Variants in SRFBP1 observed in about 807,000 individuals in gnomAD.
The protein encoded by SRFBP1 is serum response factor-binding protein 1.
Under a neutral mutation model 45.5 loss-of-function variants are expected in SRFBP1, and 47 were observed. The observed-to-expected ratio is 1.03, with a 90% confidence interval of 0.82 to 1.32. The LOEUF is 1.32. SRFBP1 is among the 40% of genes most tolerant of loss of function. SRFBP1 has a pLI of 0.00. For missense variants in SRFBP1, 621 were observed against 484.6 expected (o/e 1.28, Z -2.64); for synonymous variants, 203 against 166.3 (o/e 1.22, Z -1.70).
chr5:122,050,285 T>C (rs1443114481), intron 2 of SRFBP1, among the ~76,000 whole-genome samples: 1 of 152,200 alleles, frequency 6.6e-6, no homozygotes, highest in Non-Finnish European at 1.5e-5. Context: ...GAGTTCCTCA[T>C]GCTCAGTTTT....
At chr5:122,056,501 C>G (rs1394772957) in intron 2 of SRFBP1, among the ~76,000 whole-genome samples, 1 of 152,154 alleles carries the variant, frequency 6.6e-6, no homozygotes, top group Non-Finnish European at 1.5e-5. Flanking sequence ...CATTATCAAT[C>G]TTTTAGTCAC....
intron 1 of SRFBP1, among the ~76,000 whole-genome samples, chr5:121,968,156 C>T (rs1752113021): frequency 6.6e-6 from 1 of 151,630 alleles, no homozygotes; most frequent in Non-Finnish European, 1.5e-5. Context: ...CTCCCTTTAT[C>T]CATGGGGGTT....
At chr5:122,014,910 G>T (rs982986512) in intron 4 of SRFBP1, among the ~76,000 whole-genome samples, 4 of 152,186 alleles carry the variant, frequency 2.6e-5, no homozygotes, top group African/African-American at 9.6e-5. Context: ...CAGGGATTTG[G>T]AAACAGCAGT....
downstream of SRFBP1, among the ~76,000 whole-genome samples, chr5:122,031,869 CAAAG>C (rs768229146): frequency 7.9e-5 from 12 of 152,078 alleles, no homozygotes; most frequent in Non-Finnish European, 1.8e-4. Flanking sequence ...ATCATGCTAA[CAAAG>C]AAGCTAAACA....
At chr5:121,965,781 A>G (rs2112809804) in intron 1 of SRFBP1, among the ~76,000 whole-genome samples, 1 of 152,362 alleles carries the variant, frequency 6.6e-6, no homozygotes, top group African/African-American at 2.4e-5. Context: ...TACTTTGGGC[A>G]GTATGGCTGT....
At chr5:122,037,392 C>A (rs1179991623) in intron 2 of SRFBP1, among the ~76,000 whole-genome samples, 1 of 152,254 alleles carries the variant, frequency 6.6e-6, no homozygotes, top group African/African-American at 2.4e-5. Flanking sequence ...AACTTTGTAG[C>A]TTGCAGGTAG....
chr5:121,981,111 G>A (rs1752398868), intron 3 of SRFBP1, among the ~76,000 whole-genome samples: 1 of 151,974 alleles, frequency 6.6e-6, no homozygotes, highest in East Asian at 1.9e-4. Flanking sequence ...AGGGCTTTTT[G>A]GTAGTATGTC....
intron 2 of SRFBP1, among the ~76,000 whole-genome samples, chr5:122,048,946 A>T (rs967958959): frequency 2.0e-5 from 3 of 151,606 alleles, no homozygotes; most frequent in African/African-American, 7.3e-5. Context: ...TTTCTTCTTT[A>T]TTAGTATTGC....
At chr5:122,042,908 A>G (rs751941853) in intron 2 of SRFBP1, among the ~76,000 whole-genome samples, 19 of 152,290 alleles carry the variant, frequency 1.2e-4, no homozygotes, top group Non-Finnish European at 1.9e-4. Context: ...CAAATAATAT[A>G]TAGGCCTCAG....
chr5:122,046,443 T>C (rs1436263909), intron 2 of SRFBP1, among the ~76,000 whole-genome samples: 2 of 152,212 alleles, frequency 1.3e-5, no homozygotes, highest in Admixed American at 6.5e-5. Context: ...ATCCAGTCTA[T>C]CATTGTTGGA....
At chr5:122,036,043 A>G (rs1248999934) in intron 2 of SRFBP1, among the ~76,000 whole-genome samples, 1 of 152,232 alleles carries the variant, frequency 6.6e-6, no homozygotes, top group Admixed American at 6.5e-5. Context: ...ATACAAGTAT[A>G]CAGGAAGGGG....
intron 4 of SRFBP1, among the ~76,000 whole-genome samples, chr5:121,998,684 G>T (rs1371136311): frequency 6.7e-6 from 1 of 150,128 alleles, no homozygotes; most frequent in Non-Finnish European, 1.5e-5. Flanking sequence ...AAACTAAGAT[G>T]CTTTATTACT....
intron 1 of SRFBP1, among the ~76,000 whole-genome samples, chr5:121,964,484 G>A (rs1752019946): frequency 6.6e-6 from 1 of 152,092 alleles, no homozygotes; most frequent in Admixed American, 6.6e-5. Flanking sequence ...GAGAATGATG[G>A]TTTCCAGCAT....
chr5:122,041,061 C>CT (rs1383570538), intron 2 of SRFBP1, among the ~76,000 whole-genome samples: 1 of 152,126 alleles, frequency 6.6e-6, no homozygotes, highest in Non-Finnish European at 1.5e-5. Context: ...TAAATATTTG[C>CT]TTTTCGAAAA....
intron 3 of SRFBP1, among the ~76,000 whole-genome samples, chr5:121,985,882 G>A (rs1474246840): frequency 6.6e-6 from 1 of 151,896 alleles, no homozygotes; most frequent in African/African-American, 2.4e-5. Context: ...ATTATGTACT[G>A]TGGAAGAAAT....
At chr5:122,029,807 G>T (rs1356109914), downstream of SRFBP1, among the ~76,000 whole-genome samples, 1 of 152,112 alleles carries the variant, frequency 6.6e-6, no homozygotes, top group Non-Finnish European at 1.5e-5. Context: ...GTTTAATATA[G>T]AAGGGCAAAT....
intron 7 of SRFBP1, among the ~76,000 whole-genome samples, chr5:122,022,815 C>CT (rs1457619493): frequency 7.9e-5 from 12 of 152,310 alleles, no homozygotes; most frequent in Admixed American, 5.9e-4. Context: ...CGTAACAAAT[C>CT]TAAGTTTCAT....
chr5:121,971,217 G>A (rs941459371), intron 1 of SRFBP1, among the ~76,000 whole-genome samples: 17 of 151,986 alleles, frequency 1.1e-4, no homozygotes, highest in African/African-American at 3.6e-4. Flanking sequence ...ATAACTGATT[G>A]GAGAGAGGCA....
chr5:122,003,129 G>A (rs1752907966), intron 4 of SRFBP1, among the ~76,000 whole-genome samples: 1 of 152,056 alleles, frequency 6.6e-6, no homozygotes, highest in African/African-American at 2.4e-5. Context: ...GATCACTTGA[G>A]CCCCGGAGTT....
Sources: gnomAD v4.1 joint callset for allele counts (sites outside exome capture counted in the v4.1 genomes callset) on GRCh38, gnomAD v4.1.1 for gene constraint, MANE v1.5 for transcripts, NCBI Gene and HGNC (gene_info 2026-07-23, HGNC 2026-07-21) for gene names.